Variants in RPTOR observed in about 807,000 individuals in gnomAD.
RPTOR encodes regulatory-associated protein of mTOR.
RPTOR carries 21 observed loss-of-function variants against 169.9 expected under a neutral mutation model. That is an observed-to-expected ratio of 0.12 (90% CI 0.09 to 0.18). The LOEUF is 0.18. Among genes scored for constraint, RPTOR ranks in the 10% least tolerant of loss-of-function variants. RPTOR has a pLI of 1.00. For missense variants in RPTOR, 1,133 were observed against 1,855.9 expected (o/e 0.61, Z 7.16); for synonymous variants, 732 against 753.2 (o/e 0.97, Z 0.46).
intron 4 of RPTOR, among the ~76,000 whole-genome samples, chr17:80,711,103 C>T (rs1436164414): frequency 2.6e-5 from 4 of 152,152 alleles, no homozygotes; most frequent in Admixed American, 6.6e-5. Context: ...CTAAGCTTCC[C>T]GATGTGTTGA....
chr17:80,740,698 CTCTT>C (rs534027695), intron 5 of RPTOR, among the ~76,000 whole-genome samples: 285 of 152,126 alleles, frequency 1.9e-3, no homozygotes, highest in Non-Finnish European at 2.6e-3. Flanking sequence ...ATGCAGAAAA[CTCTT>C]TCATGCGAGA....
chr17:80,769,852 G>A (rs1324192842), intron 6 of RPTOR, among the ~76,000 whole-genome samples: 3 of 152,160 alleles, frequency 2.0e-5, no homozygotes, highest in Non-Finnish European at 2.9e-5. Flanking sequence ...GGCGGGGTCC[G>A]TGACCATGAA....
At chr17:80,595,099 G>A (rs370572917) in intron 1 of RPTOR, among the ~76,000 whole-genome samples, 59 of 152,066 alleles carry the variant, frequency 3.9e-4, no homozygotes, top group Middle Eastern at 3.4e-3. Flanking sequence ...AGAGAGAGAC[G>A]GGGAATGGGT....
At chr17:80,812,723 G>A (rs748222968) in intron 7 of RPTOR, among the ~76,000 whole-genome samples, 1 of 152,112 alleles carries the variant, frequency 6.6e-6, no homozygotes, top group Admixed American at 6.6e-5. Flanking sequence ...AAATATTCCC[G>A]AACATACACA....
rs1405688859 is a variant in RPTOR, at chr17:80,925,421, A to G, written c.2860A>G (p.Thr954Ala). 5 of 1,613,672 alleles carry G rather than the reference A, an allele frequency of 3.1e-6. No homozygotes were observed. Among genetic ancestry groups the G allele is most frequent in the Non-Finnish European group, 4.2e-6 (5 of 1,180,022 alleles). ...TGGACACAAAAGTTTCATCTCCGCCACGGTGCAGACGGGGTTCTGCGACTG... is the reference window on the plus strand; with the variant it reads ...TGGACACAAAAGTTTCATCTCCGCCGCGGTGCAGACGGGGTTCTGCGACTG... Reference protein sequence around the residue: ...AAGHKSFISATVQTGFCDWSA... With the variant: ...AAGHKSFISAAVQTGFCDWSA... The change falls in exon 24 of 34, where the codon ACG (threonine) becomes GCG (alanine). Residue 954 changes from threonine to alanine, a missense_variant. Around this residue, in one of 9 missense-constraint regions of RPTOR, gnomAD observed 410 missense variants for 623.7 expected, o/e 0.66. Transcript: ENST00000306801.
intron 3 of RPTOR, among the ~76,000 whole-genome samples, chr17:80,683,426 T>C (rs2143713318): frequency 6.6e-6 from 1 of 152,146 alleles, no homozygotes; most frequent in East Asian, 1.9e-4. Context: ...ATTTTGACCT[T>C]GATTAAGATG....
chr17:80,846,757 C>T (rs1285374073), intron 11 of RPTOR, among the ~76,000 whole-genome samples, 183 bp downstream of exon 11: 3 of 152,250 alleles, frequency 2.0e-5, no homozygotes, highest in African/African-American at 7.2e-5. Context: ...TCACACAGAT[C>T]CAATCAGGAG....
chr17:80,650,449 T>C (rs528984320), intron 3 of RPTOR, among the ~76,000 whole-genome samples: 1 of 152,102 alleles, frequency 6.6e-6, no homozygotes, highest in Non-Finnish European at 1.5e-5. Flanking sequence ...GGAGCGCCCC[T>C]CTCACTGGTA....
chr17:80,632,972 A>C (rs999517470), intron 2 of RPTOR, among the ~76,000 whole-genome samples: 1 of 151,710 alleles, frequency 6.6e-6, no homozygotes. Flanking sequence ...CGCTTTTAAA[A>C]TTTTTTATGG....
intron 2 of RPTOR, among the ~76,000 whole-genome samples, chr17:80,632,785 A>G (rs1421433275): frequency 6.6e-6 from 1 of 152,062 alleles, no homozygotes; most frequent in Non-Finnish European, 1.5e-5. Flanking sequence ...GCCCACTTTT[A>G]TTTTTTAGTT....
chr17:80,757,273 C>T (rs2066690288), intron 6 of RPTOR, among the ~76,000 whole-genome samples: 1 of 152,180 alleles, frequency 6.6e-6, no homozygotes, highest in Non-Finnish European at 1.5e-5. Context: ...AGGGCTTGTG[C>T]CAACCAGAAA....
At chr17:80,738,929 C>T (rs574052895) in intron 5 of RPTOR, among the ~76,000 whole-genome samples, 28 of 152,342 alleles carry the variant, frequency 1.8e-4, no homozygotes, top group Middle Eastern at 3.4e-3. Flanking sequence ...AAACGATACA[C>T]TGTTTGCAGT....
chr17:80,821,843 G>C (rs2067382564), intron 7 of RPTOR, among the ~76,000 whole-genome samples: 1 of 152,224 alleles, frequency 6.6e-6, no homozygotes, highest in Non-Finnish European at 1.5e-5. Flanking sequence ...TAACCCTGCA[G>C]AGCATGATGT....
intron 1 of RPTOR, among the ~76,000 whole-genome samples, chr17:80,567,027 A>G (rs917895317): frequency 5.3e-5 from 8 of 151,818 alleles, no homozygotes; most frequent in South Asian, 4.2e-4. Flanking sequence ...CTGGAGTCCA[A>G]TGGCATGATC....
At chr17:80,816,583 A>C (rs1013524898) in intron 7 of RPTOR, among the ~76,000 whole-genome samples, 5 of 152,194 alleles carry the variant, frequency 3.3e-5, no homozygotes, top group Non-Finnish European at 5.9e-5. Context: ...AGAGCTGGCG[A>C]CGCAGTGCTC....
chr17:80,711,663 G>A (rs1017171790), intron 4 of RPTOR, among the ~76,000 whole-genome samples: 1 of 149,244 alleles, frequency 6.7e-6, no homozygotes, highest in Non-Finnish European at 1.5e-5. Context: ...TTCATGTTAT[G>A]ACATTGACTT....
At chr17:80,882,809 G>GGGAGCCCTGCAATAATCCAA in intron 14 of RPTOR, among the ~76,000 whole-genome samples, 1 of 152,344 alleles carries the variant, frequency 6.6e-6, no homozygotes, top group African/African-American at 2.4e-5. Context: ...CAGGTACCCT[G>GGGAGCCCTGCAATAATCCAA]GGAGCCCTGC....
At chr17:80,751,500 G>C (rs952223303) in intron 5 of RPTOR, among the ~76,000 whole-genome samples, 4 of 152,116 alleles carry the variant, frequency 2.6e-5, no homozygotes, top group African/African-American at 7.2e-5. Context: ...TAAGAACTAC[G>C]CAACTAAAAG....
chr17:80,674,749 C>T (rs867149485), intron 3 of RPTOR, among the ~76,000 whole-genome samples: 1 of 139,938 alleles, frequency 7.1e-6, no homozygotes, highest in Non-Finnish European at 1.5e-5. Flanking sequence ...GATAGCGCCA[C>T]TGCACTCCAG....
Sources: allele counts gnomAD v4.1 joint callset (sites outside exome capture counted in the v4.1 genomes callset), GRCh38; gene constraint gnomAD v4.1.1; regional missense constraint gnomAD v4.1.1; transcripts MANE v1.5; gene names NCBI Gene and HGNC (gene_info 2026-07-23, HGNC 2026-07-21).